RBFOX1: variants seen among roughly 807,000 people sequenced by gnomAD.
The protein encoded by RBFOX1 is RNA binding fox-1 homolog 1, also known as RNA binding protein fox-1 homolog 1.
RBFOX1 carries 8 observed loss-of-function variants against 57.7 expected under a neutral mutation model. That is an observed-to-expected ratio of 0.14 (90% CI 0.08 to 0.25). The LOEUF is 0.25. Ranked by LOEUF, RBFOX1 falls within the 10% of genes least tolerant of loss-of-function variation. RBFOX1 has a pLI of 1.00. For missense variants in RBFOX1, 611 were observed against 548.5 expected (o/e 1.11, Z -1.14); for synonymous variants, 326 against 222.4 (o/e 1.47, Z -4.15).
chr16:7,011,655 A>G (rs2093659850), intron 3 of RBFOX1, among the ~76,000 whole-genome samples: 1 of 152,154 alleles, frequency 6.6e-6, no homozygotes. Context: ...CTGGGACTAC[A>G]GGTGCCTGCC....
At chr16:5,364,340 T>G (rs1448231608) in intron 1 of RBFOX1, among the ~76,000 whole-genome samples, 4 of 152,178 alleles carry the variant, frequency 2.6e-5, no homozygotes, top group Non-Finnish European at 5.9e-5. Flanking sequence ...TTCTCTCTCT[T>G]GATGACTTAA....
intron 3 of RBFOX1, among the ~76,000 whole-genome samples, chr16:5,751,286 C>T (rs1383233794): frequency 6.6e-6 from 1 of 152,114 alleles, no homozygotes; most frequent in Admixed American, 6.5e-5. Context: ...TGATTCTGGG[C>T]ATTATGCATT....
rs546604731 is a variant in RBFOX1 at position 7,520,281 on chromosome 16, A to G, written c.270+1892A>G. Among the ~76,000 whole-genome samples the G allele has an allele frequency of 5.9e-5, 9 of 152,312 alleles. No individual in the cohort carries two copies. In the East Asian group the frequency reaches 1.7e-3, roughly 29 times the overall value. On this transcript the variant is annotated intron_variant, in intron 5 of 15. Coordinates refer to ENST00000550418, the MANE Select transcript of RBFOX1 (RefSeq NM_018723.4). ...TATTGTGGTAAAATACATATAACAT[A>G]AAACTTAACCATTTTAATCCTGTAC... is the stretch of plus-strand genomic sequence containing the variant.
intron 3 of RBFOX1, among the ~76,000 whole-genome samples, chr16:6,857,405 A>C (rs1017167544): frequency 6.6e-6 from 1 of 150,978 alleles, no homozygotes; most frequent in African/African-American, 2.4e-5. Context: ...GAAGCATGGG[A>C]GAGGTCAAAT....
intron 1 of RBFOX1, among the ~76,000 whole-genome samples, chr16:5,335,073 C>T (rs956452253): frequency 6.6e-6 from 1 of 152,178 alleles, no homozygotes; most frequent in Admixed American, 6.5e-5. Context: ...TTTCTGTGCT[C>T]ACTGGCAGTG....
intron 1 of RBFOX1, among the ~76,000 whole-genome samples, chr16:6,049,359 G>A (rs540434196): frequency 6.6e-6 from 1 of 151,964 alleles, no homozygotes; most frequent in Non-Finnish European, 1.5e-5. Context: ...AAAACTTAAA[G>A]CATATTTAAA....
At chr16:6,908,496 A>G (rs2070685182) in intron 3 of RBFOX1, among the ~76,000 whole-genome samples, 1 of 152,076 alleles carries the variant, frequency 6.6e-6, no homozygotes, top group Admixed American at 6.5e-5. Context: ...CTAGGAAGGT[A>G]TTTCCGGGTT....
chr16:6,637,936 G>C (rs902922825), intron 2 of RBFOX1, among the ~76,000 whole-genome samples: 2 of 152,064 alleles, frequency 1.3e-5, no homozygotes, highest in African/African-American at 4.8e-5. Flanking sequence ...AAATGACAAA[G>C]TCTCTGTGCT....
chr16:7,110,568 T>G (rs1347397055), intron 4 of RBFOX1, among the ~76,000 whole-genome samples: 2 of 152,150 alleles, frequency 1.3e-5, no homozygotes, highest in Admixed American at 1.3e-4. Context: ...CAGTGGCTAA[T>G]AGCTAGGAGG....
chr16:7,282,514 C>G (rs1465702506), intron 4 of RBFOX1, among the ~76,000 whole-genome samples: 1 of 151,950 alleles, frequency 6.6e-6, no homozygotes, highest in Non-Finnish European at 1.5e-5. Flanking sequence ...TGCTCTTGCA[C>G]CCTCTCCCTG....
At chr16:5,342,858 C>T (rs543093544) in intron 1 of RBFOX1, among the ~76,000 whole-genome samples, 2 of 152,238 alleles carry the variant, frequency 1.3e-5, no homozygotes, top group South Asian at 4.1e-4. Context: ...ATCTCTTTCC[C>T]TATTGTACAG....
rs140793170 is a variant in RBFOX1 at position 5,606,239 on chromosome 16, C to T, written c.318+7278C>T. ...TTCTCCAACCTTATCTGCTACTCTC[C>T]TCCCACCCTGTCCTCCAGTGTCCAT... On this transcript the variant is annotated intron_variant, in intron 3 of 19. Transcript: ENST00000641259. Among the ~76,000 whole-genome samples, 974 of 152,212 alleles carry T rather than the reference C, an allele frequency of 6.4e-3. 7 individuals are homozygous for T. Among genetic ancestry groups the T allele is most frequent in the Middle Eastern group, 0.014 (4 of 294 alleles).
chr16:7,089,395 A>AT (rs1461945564), intron 4 of RBFOX1, among the ~76,000 whole-genome samples: 2 of 146,316 alleles, frequency 1.4e-5, no homozygotes, highest in African/African-American at 2.7e-5. Context: ...ACAAATGCTG[A>AT]TTTTTAAGCA....
chr16:6,927,414 C>A (rs1278213293), intron 3 of RBFOX1, among the ~76,000 whole-genome samples: 78 of 53,124 alleles, frequency 1.5e-3, no homozygotes, highest in South Asian at 3.3e-3. Context: ...CGCTTTCTCA[C>A]AAAAAAAAAA....
chr16:6,748,573 C>G (rs1052396781), intron 3 of RBFOX1, among the ~76,000 whole-genome samples: 2 of 152,128 alleles, frequency 1.3e-5, no homozygotes, highest in East Asian at 3.9e-4. Flanking sequence ...TGAAGTGGAT[C>G]TCTTGAGCCC....
chr16:5,428,554 C>T (rs1378842337), intron 1 of RBFOX1, among the ~76,000 whole-genome samples: 1 of 152,134 alleles, frequency 6.6e-6, no homozygotes, highest in South Asian at 2.1e-4. Context: ...TTGTCCTGAG[C>T]ACCACGGAGA....
chr16:6,383,063 G>A (rs2091956943), intron 2 of RBFOX1, among the ~76,000 whole-genome samples: 2 of 152,152 alleles, frequency 1.3e-5, no homozygotes, highest in African/African-American at 4.8e-5. Flanking sequence ...CAAGAAGTTT[G>A]TTAAGGTTGC....
chr16:5,467,605 C>A (rs138660208), intron 2 of RBFOX1, among the ~76,000 whole-genome samples: 109 of 152,292 alleles, frequency 7.2e-4, no homozygotes, highest in South Asian at 3.7e-3. Flanking sequence ...CACATCCTTG[C>A]ATTATGCCAC....
At chr16:5,992,297 A>G (rs745593510) in intron 4 of RBFOX1, among the ~76,000 whole-genome samples, 1 of 152,236 alleles carries the variant, frequency 6.6e-6, no homozygotes, top group Non-Finnish European at 1.5e-5. Flanking sequence ...TGCAATAGAT[A>G]GGGAAAAAAA....
Sources: allele counts gnomAD v4.1 joint callset (sites outside exome capture counted in the v4.1 genomes callset), GRCh38; gene constraint gnomAD v4.1.1; transcripts MANE v1.5; gene names NCBI Gene and HGNC (gene_info 2026-07-23, HGNC 2026-07-21).